The following LDAH variants were observed in gnomAD, a reference collection of about 807,000 sequenced individuals.
LDAH encodes lipid droplet-associated hydrolase.
In LDAH, 26 loss-of-function variants were observed where a neutral mutation model predicts 29.6. That is an observed-to-expected ratio of 0.88 (90% CI 0.64 to 1.22). The LOEUF (loss-of-function observed/expected upper bound fraction) is 1.22. LDAH is among the 50% of genes most tolerant of loss of function. The pLI, the probability that LDAH is intolerant of heterozygous loss-of-function variation, is 0.00. For synonymous variants in LDAH, 117 were observed against 133.0 expected (o/e 0.88, Z 0.83); for missense variants, 344 against 387.3 (o/e 0.89, Z 0.94).
rs550814189 is a variant in LDAH, at chr2:20,704,710, C to T, written c.704-3058G>A. Reference sequence around the variant, plus strand: ...TGTCCTTTCTTCTCCTCTCACTTCCCTGCCTCCCTTTCAAATAGGTTATAG... The same window carrying T: ...TGTCCTTTCTTCTCCTCTCACTTCCTTGCCTCCCTTTCAAATAGGTTATAG... On this transcript the variant is annotated intron_variant, in intron 5 of 6. Coordinates refer to ENST00000237822, the MANE Select transcript of LDAH (RefSeq NM_021925.4). Among the ~76,000 whole-genome samples the T allele has an allele frequency of 1.4e-4, 22 of 152,290 alleles. No individual in the cohort carries two copies. In the South Asian group the frequency reaches 1.9e-3, roughly 13 times the overall value.
At chr2:20,822,137 T>C (rs1673359525) in intron 1 of LDAH, among the ~76,000 whole-genome samples, 1 of 152,094 alleles carries the variant, frequency 6.6e-6, no homozygotes, top group Non-Finnish European at 1.5e-5. Flanking sequence ...CTCTTTTTTT[T>C]TTTTTGAGAC....
chr2:20,786,479 C>A (rs1259892002), intron 3 of LDAH, among the ~76,000 whole-genome samples: 1 of 152,104 alleles, frequency 6.6e-6, no homozygotes. Context: ...CATGAGCCAC[C>A]ACGCCTGGCC....
chr2:20,747,795 C>T (rs679397), intron 4 of LDAH, among the ~76,000 whole-genome samples: 150,958 of 152,302 alleles, frequency 0.99, 74,823 homozygotes, highest in Middle Eastern at 1. Context: ...CTAGGTACTA[C>T]ACTTATGCAC....
At position 20,726,208 on chromosome 2, in the gene LDAH, A is replaced by G. The variant is rs376279211; in HGVS notation, c.703+13763T>C. 1.5e-3 allele frequency among the ~76,000 whole-genome samples: 227 copies of G among 152,324 alleles called. 4 individuals carry two copies. In the South Asian group the frequency reaches 0.043, roughly 29 times the overall value. On this transcript the variant is annotated intron_variant, in intron 5 of 6. Coordinates refer to ENST00000237822, the MANE Select transcript of LDAH (RefSeq NM_021925.4). Reference sequence around the variant, plus strand: ...GAGTGGGGGAGAAAGTGGCATCTGCACATATCCAGGGCTTGCCTGAGAGGA... The same window carrying G: ...GAGTGGGGGAGAAAGTGGCATCTGCGCATATCCAGGGCTTGCCTGAGAGGA...
intron 1 of LDAH, among the ~76,000 whole-genome samples, chr2:20,803,592 C>G (rs1046295380): frequency 6.6e-6 from 1 of 152,202 alleles, no homozygotes; most frequent in African/African-American, 2.4e-5. Context: ...AGGGTTGTTA[C>G]TGTGGCCCTG....
At chr2:20,789,029 C>T (rs1670751733) in intron 3 of LDAH, 12 of 1,220,962 alleles carry the variant, frequency 9.8e-6, no homozygotes, top group African/African-American at 1.5e-5. Context: ...CAAACTGGCC[C>T]TGCTTAGCAG....
chr2:20,733,018 G>T (rs1461157421), intron 5 of LDAH, among the ~76,000 whole-genome samples: 4 of 151,648 alleles, frequency 2.6e-5, no homozygotes. Flanking sequence ...TTCTATTCTT[G>T]TTATTTCTTT....
chr2:20,732,883 TGTAGAGACAGG>T (rs943482768), intron 5 of LDAH, among the ~76,000 whole-genome samples: 5 of 146,528 alleles, frequency 3.4e-5, no homozygotes, highest in African/African-American at 1.2e-4. Context: ...CAATTTTTTT[TGTAGAGACAGG>T]GTCTCACTAT....
intron 2 of LDAH, among the ~76,000 whole-genome samples, chr2:20,794,163 A>C (rs1671154694): frequency 6.6e-6 from 1 of 152,158 alleles, no homozygotes; most frequent in African/African-American, 2.4e-5. Context: ...GGCAAAAAGA[A>C]AGGGAGTGTG....
At chr2:20,805,221 G>A (rs570094570) in intron 1 of LDAH, among the ~76,000 whole-genome samples, 1 of 152,254 alleles carries the variant, frequency 6.6e-6, no homozygotes, top group South Asian at 2.1e-4. Flanking sequence ...ATCAAGCTCA[G>A]TCTATAAACA....
At chr2:20,745,850 A>C (rs533650939) in intron 4 of LDAH, among the ~76,000 whole-genome samples, 1 of 152,334 alleles carries the variant, frequency 6.6e-6, no homozygotes, top group South Asian at 2.1e-4. Context: ...CAGATAAAAT[A>C]ATAAAAGAGG....
intron 5 of LDAH, among the ~76,000 whole-genome samples, chr2:20,725,660 G>A (rs150940958): frequency 2.6e-5 from 4 of 152,318 alleles, no homozygotes; most frequent in African/African-American, 9.6e-5. Flanking sequence ...ACTGAGTCAT[G>A]GGGAAATCAA....
chr2:20,812,124 T>C (rs1158497917), intron 1 of LDAH, among the ~76,000 whole-genome samples: 1 of 152,170 alleles, frequency 6.6e-6, no homozygotes, highest in Non-Finnish European at 1.5e-5. Flanking sequence ...GTTACAAATG[T>C]AGTTTAAGTT....
intron 4 of LDAH, among the ~76,000 whole-genome samples, chr2:20,753,783 C>T (rs1668122608): frequency 6.6e-6 from 1 of 152,208 alleles, no homozygotes; most frequent in African/African-American, 2.4e-5. Flanking sequence ...CTACCTCCAG[C>T]AGGTCACTTC....
chr2:20,683,464 C>T (rs1475936050), downstream of LDAH, among the ~76,000 whole-genome samples: 2 of 152,242 alleles, frequency 1.3e-5, no homozygotes, highest in Admixed American at 6.5e-5. Context: ...CTTGCCTCTT[C>T]TCTTCTGCAA....
At chr2:20,805,363 T>C (rs895350214) in intron 1 of LDAH, among the ~76,000 whole-genome samples, 8 of 152,298 alleles carry the variant, frequency 5.3e-5, no homozygotes, top group Non-Finnish European at 1.2e-4. Flanking sequence ...AAAGCATCGT[T>C]TATTTTACTT....
chr2:20,760,760 C>T (rs1668628794), intron 4 of LDAH, among the ~76,000 whole-genome samples: 1 of 152,200 alleles, frequency 6.6e-6, no homozygotes, highest in African/African-American at 2.4e-5. Context: ...GCAAGACAGG[C>T]CTTACAATCT....
chr2:20,820,371 A>C (rs1216143857), intron 1 of LDAH, among the ~76,000 whole-genome samples: 2 of 152,256 alleles, frequency 1.3e-5, no homozygotes, highest in Non-Finnish European at 2.9e-5. Flanking sequence ...ACTATACTAC[A>C]AGGCTACAGT....
chr2:20,807,552 T>A (rs1235797887), intron 1 of LDAH, among the ~76,000 whole-genome samples: 1 of 152,098 alleles, frequency 6.6e-6, no homozygotes, highest in African/African-American at 2.4e-5. Flanking sequence ...CAAAATTTAA[T>A]CAGTTTAAGT....
Sources: gnomAD v4.1 joint callset for allele counts (sites outside exome capture counted in the v4.1 genomes callset) on GRCh38, gnomAD v4.1.1 for gene constraint, MANE v1.5 for transcripts, NCBI Gene and HGNC (gene_info 2026-07-23, HGNC 2026-07-21) for gene names.